BMPR1B: variants seen among roughly 807,000 people sequenced by gnomAD.
BMPR1B encodes bone morphogenetic protein receptor type 1B.
BMPR1B carries 12 observed loss-of-function variants against 59.1 expected under a neutral mutation model. The ratio of observed to expected loss-of-function variants is 0.20; its 90% CI spans 0.13 to 0.33. The LOEUF (loss-of-function observed/expected upper bound fraction) is 0.33, where lower values mean the gene tolerates loss of function less well. Ranked by LOEUF, BMPR1B falls within the 10% of genes least tolerant of loss-of-function variation. The probability of loss-of-function intolerance (pLI) is 1.00; values close to 1 mark genes in which losing one functional copy is unlikely to be tolerated. For missense variants in BMPR1B, 550 were observed against 610.9 expected (o/e 0.90, Z 1.05); for synonymous variants, 237 against 207.3 (o/e 1.14, Z -1.23).
chr4:95,151,688 A>G (rs1273374605), intron 11 of BMPR1B, among the ~76,000 whole-genome samples: 1 of 152,174 alleles, frequency 6.6e-6, no homozygotes, highest in Non-Finnish European at 1.5e-5. Flanking sequence ...TTGGCAGAGT[A>G]AGCCCCCAGT....
intron 2 of BMPR1B, among the ~76,000 whole-genome samples, chr4:94,986,510 C>T (rs1010804982): frequency 1.3e-5 from 2 of 151,988 alleles, no homozygotes; most frequent in Non-Finnish European, 2.9e-5. Context: ...TCAGATCTAC[C>T]AAAGTATAGA....
intron 10 of BMPR1B, among the ~76,000 whole-genome samples, chr4:95,144,914 G>T (rs1560690499): frequency 1.3e-5 from 2 of 152,148 alleles, no homozygotes; most frequent in South Asian, 2.1e-4. Flanking sequence ...TATCACTTTT[G>T]TTCTTCCCGT....
intron 1 of BMPR1B, among the ~76,000 whole-genome samples, chr4:94,765,820 G>C (rs1376819648): frequency 1.3e-5 from 2 of 152,118 alleles, no homozygotes; most frequent in African/African-American, 4.8e-5. Context: ...TGGTTTCGTG[G>C]AATGTTAGGT....
intron 1 of BMPR1B, among the ~76,000 whole-genome samples, chr4:94,863,158 G>T (rs2148959086): frequency 6.6e-6 from 1 of 152,188 alleles, no homozygotes; most frequent in Non-Finnish European, 1.5e-5. Context: ...TGGACATAAG[G>T]AAGGGAACAA....
At position 94,962,068 on chromosome 4, in the gene BMPR1B, T is replaced by TCC. The variant is rs1560569088; in HGVS notation, c.-112-33972_-112-33971insCC. Among the ~76,000 whole-genome samples, 580 of 126,754 alleles carry TCC rather than the reference T, an allele frequency of 4.6e-3. 1 individual carries two copies. Among genetic ancestry groups the TCC allele is most frequent in the African/African-American group, 0.019 (515 of 27,112 alleles). The allele number at this position is 126,754 out of a possible 152,430, so 83.2% of individuals were successfully genotyped here. A position where few individuals can be genotyped will look rare whatever the true frequency, so the allele number is the denominator to read the frequency against. ...TTCTTTCTTTCTTTCTTTTCTTTCT[T>TCC]TTCTTTCCTTCCTTCCTTCCTTCCT... On this transcript the variant is annotated intron_variant, in intron 2 of 12. Coordinates refer to ENST00000515059, the MANE Select transcript of BMPR1B (RefSeq NM_001203.3).
chr4:94,787,639 A>T (rs1165309344), intron 1 of BMPR1B, among the ~76,000 whole-genome samples: 1 of 152,194 alleles, frequency 6.6e-6, no homozygotes, highest in Non-Finnish European at 1.5e-5. Context: ...AGGTTTAACC[A>T]CGTCTTTGGT....
At chr4:95,010,496 T>C (rs1425350318) in intron 3 of BMPR1B, among the ~76,000 whole-genome samples, 6 of 152,162 alleles carry the variant, frequency 3.9e-5, no homozygotes, top group Non-Finnish European at 1.5e-5. Flanking sequence ...GTTCAGTGTC[T>C]TTTGCTCTCA....
chr4:94,954,426 A>G (rs561929235), intron 2 of BMPR1B, among the ~76,000 whole-genome samples: 3 of 152,230 alleles, frequency 2.0e-5, no homozygotes, highest in South Asian at 2.1e-4. Context: ...TACCTATGCA[A>G]TGCATATCAT....
intron 3 of BMPR1B, among the ~76,000 whole-genome samples, chr4:95,034,524 A>G (rs1725092083): frequency 6.6e-6 from 1 of 152,046 alleles, no homozygotes; most frequent in African/African-American, 2.4e-5. Context: ...AGTGGGAAAT[A>G]CAATGTTTGG....
chr4:94,801,167 T>G (rs1163892259), intron 1 of BMPR1B, among the ~76,000 whole-genome samples: 1 of 152,200 alleles, frequency 6.6e-6, no homozygotes, highest in Non-Finnish European at 1.5e-5. Flanking sequence ...TCTTGCCCTT[T>G]GCACATAATA....
chr4:94,902,239 CACACACACACAGAGAGAGAGAGAG>C (rs1307470334), intron 2 of BMPR1B, among the ~76,000 whole-genome samples: 5 of 97,076 alleles, frequency 5.2e-5, no homozygotes, highest in African/African-American at 1.3e-4. Flanking sequence ...CACACACACA[CACACACACACAGAGAGAGAGAGAG>C]AGAGAGAGAG....
intron 2 of BMPR1B, among the ~76,000 whole-genome samples, chr4:94,914,914 A>G (rs1375797282): frequency 6.6e-6 from 1 of 152,184 alleles, no homozygotes; most frequent in Non-Finnish European, 1.5e-5. Context: ...TAATATGCAT[A>G]TATTTAAGTA....
At chr4:94,895,299 T>C (rs1172205183) in intron 2 of BMPR1B, among the ~76,000 whole-genome samples, 1 of 152,048 alleles carries the variant, frequency 6.6e-6, no homozygotes, top group African/African-American at 2.4e-5. Flanking sequence ...ACATTAGACA[T>C]CATTGTGTCT....
At chr4:94,807,738 G>T (rs1279567762) in intron 1 of BMPR1B, among the ~76,000 whole-genome samples, 2 of 152,152 alleles carry the variant, frequency 1.3e-5, no homozygotes, top group Non-Finnish European at 2.9e-5. Flanking sequence ...AGGCTGGAGT[G>T]CAGTGGCACA....
chr4:95,053,581 A>G (rs1008547122), intron 3 of BMPR1B, among the ~76,000 whole-genome samples: 2 of 152,116 alleles, frequency 1.3e-5, no homozygotes, highest in Non-Finnish European at 1.5e-5. Context: ...ATATTACCTG[A>G]AAGTTTGCTG....
chr4:94,822,956 A>G (rs536673078), intron 1 of BMPR1B, among the ~76,000 whole-genome samples: 2 of 152,166 alleles, frequency 1.3e-5, no homozygotes, highest in African/African-American at 2.4e-5. Flanking sequence ...TATTCCTAAA[A>G]TGTGTGCCTT....
chr4:95,042,051 T>C (rs940074190), intron 3 of BMPR1B, among the ~76,000 whole-genome samples: 1 of 151,970 alleles, frequency 6.6e-6, no homozygotes, highest in African/African-American at 2.4e-5. Flanking sequence ...AGAGACGGGG[T>C]TTCACTCTGT....
chr4:94,781,005 A>G (rs1028408655), intron 1 of BMPR1B, among the ~76,000 whole-genome samples: 4 of 151,964 alleles, frequency 2.6e-5, no homozygotes, highest in Non-Finnish European at 5.9e-5. Flanking sequence ...TGTCTTTTTG[A>G]TAATAGCTAT....
At chr4:94,962,448 T>C (rs1730407688) in intron 2 of BMPR1B, among the ~76,000 whole-genome samples, 1 of 152,104 alleles carries the variant, frequency 6.6e-6, no homozygotes, top group Non-Finnish European at 1.5e-5. Context: ...AGTATGTTTG[T>C]ACCCATTAAT....
Sources: gnomAD v4.1 joint callset for allele counts (sites outside exome capture counted in the v4.1 genomes callset) on GRCh38, gnomAD v4.1.1 for gene constraint, MANE v1.5 for transcripts, NCBI Gene and HGNC (gene_info 2026-07-23, HGNC 2026-07-21) for gene names.